The following RANBP17 variants were observed in gnomAD, a reference collection of about 807,000 sequenced individuals.
RANBP17 encodes RAN binding protein 17, also known as ran-binding protein 17.
RANBP17 carries 158 observed loss-of-function variants against 141.2 expected under a neutral mutation model. The observed-to-expected ratio is 1.12, with a 90% CI of 0.98 to 1.28. The LOEUF (loss-of-function observed/expected upper bound fraction) is 1.28. RANBP17 is among the 50% of genes most tolerant of loss of function. RANBP17 has a pLI of 0.00. For missense variants in RANBP17, 1,438 were observed against 1,290.7 expected (o/e 1.11, Z -1.75); for synonymous variants, 430 against 450.0 (o/e 0.96, Z 0.56).
chr5:171,195,514 C>T (rs1312678681), intron 18 of RANBP17, among the ~76,000 whole-genome samples: 1 of 152,212 alleles, frequency 6.6e-6, no homozygotes, highest in Non-Finnish European at 1.5e-5. Context: ...TAGTATAATG[C>T]ACCAATGTCT....
At position 171,289,429 on chromosome 5, in the gene RANBP17, G is replaced by A. The variant is rs1294436833; in HGVS notation, c.2944-4454G>A. 2.0e-5 allele frequency among the ~76,000 whole-genome samples: 3 copies of A among 152,170 alleles called. No individual in the cohort carries two copies. In the East Asian group the frequency reaches 5.8e-4, roughly 29 times the overall value. On this transcript the variant is annotated intron_variant, in intron 25 of 27. Transcript: ENST00000523189. ...ATCTTTGTCTATTCTATTTCAGCAGGAGACAGAACAGACGGGGTTTAAATT... is the reference window on the plus strand; with the variant it reads ...ATCTTTGTCTATTCTATTTCAGCAGAAGACAGAACAGACGGGGTTTAAATT...
chr5:171,169,712 A>G (rs920582357), intron 14 of RANBP17, among the ~76,000 whole-genome samples: 6 of 151,808 alleles, frequency 4.0e-5, no homozygotes, highest in Admixed American at 1.3e-4. Flanking sequence ...TAATCCTGAA[A>G]TGGTTAATAT....
intron 14 of RANBP17, among the ~76,000 whole-genome samples, chr5:171,073,612 T>C (rs1486356661): frequency 2.6e-5 from 4 of 152,104 alleles, no homozygotes; most frequent in South Asian, 4.1e-4. Context: ...ACCTCAGATA[T>C]GAGTGGATAC....
chr5:170,943,215 C>G (rs1399344661), intron 12 of RANBP17, among the ~76,000 whole-genome samples: 2 of 152,102 alleles, frequency 1.3e-5, no homozygotes, highest in Non-Finnish European at 2.9e-5. Flanking sequence ...TGTGTGAACA[C>G]TTCAGTTAGT....
At chr5:171,069,613 T>C (rs1784514846) in intron 14 of RANBP17, among the ~76,000 whole-genome samples, 1 of 152,196 alleles carries the variant, frequency 6.6e-6, no homozygotes, top group South Asian at 2.1e-4. Context: ...TTCAGTACAG[T>C]GTTCAATAAA....
chr5:171,298,711 T>C (rs1294801736), intron 27 of RANBP17, 51 bp from the exon 28 acceptor site: 1 of 1,429,848 alleles, frequency 7.0e-7, no homozygotes, highest in Admixed American at 1.7e-5. Flanking sequence ...CAGAAATTCA[T>C]GGAGGCTTTG....
intron 14 of RANBP17, among the ~76,000 whole-genome samples, chr5:171,167,616 A>C (rs1373486919): frequency 2.0e-5 from 3 of 152,188 alleles, no homozygotes; most frequent in Non-Finnish European, 4.4e-5. Flanking sequence ...AAGCTAGTTT[A>C]AACATACTCA....
At chr5:171,209,250 G>A (rs1762742421) in intron 20 of RANBP17, among the ~76,000 whole-genome samples, 1 of 152,098 alleles carries the variant, frequency 6.6e-6, no homozygotes, top group African/African-American at 2.4e-5. Context: ...AGTCAGTAGT[G>A]AAGATGTTTT....
chr5:170,984,438 C>T (rs1187594296), intron 14 of RANBP17, among the ~76,000 whole-genome samples: 1 of 152,000 alleles, frequency 6.6e-6, no homozygotes, highest in Admixed American at 6.6e-5. Flanking sequence ...CCAGCCTGTG[C>T]AATATAGCGA....
intron 14 of RANBP17, among the ~76,000 whole-genome samples, chr5:171,095,475 G>A (rs1400811753): frequency 1.3e-5 from 2 of 151,918 alleles, no homozygotes; most frequent in Non-Finnish European, 2.9e-5. Context: ...TACTGGCTAC[G>A]GTAAAGAAAT....
intron 14 of RANBP17, among the ~76,000 whole-genome samples, chr5:171,138,017 C>T (rs951418192): frequency 6.6e-6 from 1 of 151,490 alleles, no homozygotes; most frequent in Non-Finnish European, 1.5e-5. Context: ...TGCCCTGACT[C>T]CATCACTAAG....
rs142431468 is a variant in RANBP17 at position 171,132,184 on chromosome 5, G to T, written c.1711-37946G>T. On this transcript the variant is annotated intron_variant, in intron 14 of 27. Transcript: ENST00000523189. ...TATAAAGGGAAAGACACTTTTAATT[G>T]TCCTACTAAATTTATTCTATCCTGA... is the stretch of plus-strand genomic sequence containing the variant. Among the ~76,000 whole-genome samples, 375 of 152,038 alleles carry T rather than the reference G, an allele frequency of 2.5e-3. 4 individuals are homozygous for T. The highest frequency in any genetic ancestry group is 7.7e-3 in the African/African-American group (319 of 41,472).
chr5:171,280,924 T>G (rs1383622072), intron 25 of RANBP17, among the ~76,000 whole-genome samples: 1 of 152,214 alleles, frequency 6.6e-6, no homozygotes, highest in Non-Finnish European at 1.5e-5. Flanking sequence ...GGTTTTACAG[T>G]CGGTATACCT....
chr5:171,257,569 G>T (rs1447771401), intron 24 of RANBP17, among the ~76,000 whole-genome samples: 1 of 152,126 alleles, frequency 6.6e-6, no homozygotes, highest in Admixed American at 6.5e-5. Context: ...GAGCAGTGAG[G>T]CAAGAGAAGA....
intron 12 of RANBP17, among the ~76,000 whole-genome samples, chr5:170,944,497 A>C (rs1178625009): frequency 6.6e-6 from 1 of 152,152 alleles, no homozygotes; most frequent in Admixed American, 6.5e-5. Context: ...CGAGCCCATG[A>C]CCTGAAGTGA....
chr5:171,240,217 CAG>C (rs1764780975), intron 22 of RANBP17, among the ~76,000 whole-genome samples: 1 of 151,984 alleles, frequency 6.6e-6, no homozygotes, highest in Non-Finnish European at 1.5e-5. Context: ...ATTTCAGAAA[CAG>C]AAATCATTGA....
intron 12 of RANBP17, among the ~76,000 whole-genome samples, chr5:170,952,020 A>G (rs1166733409): frequency 6.6e-6 from 1 of 152,066 alleles, no homozygotes. Context: ...AAGAGAAAAT[A>G]TTAAGTAGAA....
At chr5:171,257,222 G>C (rs1454814688) in intron 24 of RANBP17, among the ~76,000 whole-genome samples, 5 of 152,154 alleles carry the variant, frequency 3.3e-5, no homozygotes, top group Non-Finnish European at 7.3e-5. Context: ...ATGATCAATT[G>C]GGATTTATCC....
intron 20 of RANBP17, chr5:171,206,086 G>T: frequency 3.6e-6 from 1 of 273,974 alleles, no homozygotes; most frequent in South Asian, 3.9e-5. Context: ...ATAAGTCAAG[G>T]TTTGTCATTT....
Sources: allele counts gnomAD v4.1 joint callset (sites outside exome capture counted in the v4.1 genomes callset), GRCh38; gene constraint gnomAD v4.1.1; transcripts MANE v1.5; gene names NCBI Gene and HGNC (gene_info 2026-07-23, HGNC 2026-07-21).